BEND3: variants seen among roughly 807,000 people sequenced by gnomAD.
BEND3 encodes BEN domain containing 3.
Under a neutral mutation model 60.1 loss-of-function variants are expected in BEND3, and 13 were observed. The observed-to-expected ratio is 0.22, with a 90% CI of 0.14 to 0.34. The LOEUF (loss-of-function observed/expected upper bound fraction) is 0.34, where lower values mean the gene tolerates loss of function less well. BEND3 is among the 10% of genes least tolerant of loss of function. The pLI, the probability that BEND3 is intolerant of heterozygous loss-of-function variation, is 1.00. For synonymous variants in BEND3, 497 were observed against 491.5 expected, an observed-to-expected ratio of 1.01 and a Z score of -0.15; for missense variants, 896 against 1,138.1, an observed-to-expected ratio of 0.79 and a Z score of 3.06.
At chr6:107,071,844 T>C (rs141689777) in intron 3 of BEND3, among the ~76,000 whole-genome samples, 89 of 152,328 alleles carry the variant, frequency 5.8e-4, no homozygotes, top group African/African-American at 1.8e-3. Context: ...AGAATGCAGA[T>C]AGTCATTGCC....
chr6:107,087,969 T>TAA (rs71012767), intron 3 of BEND3, among the ~76,000 whole-genome samples: 37,527 of 121,338 alleles, frequency 0.31, 5,979 homozygotes, highest in Admixed American at 0.39. Flanking sequence ...AGGCTAGTGA[T>TAA]AAAAAAAAAA....
At chr6:107,084,818 A>G (rs1775307738) in intron 3 of BEND3, among the ~76,000 whole-genome samples, 1 of 152,260 alleles carries the variant, frequency 6.6e-6, no homozygotes. Context: ...TGAACCAATC[A>G]GCACTCTGTA....
intron 3 of BEND3, among the ~76,000 whole-genome samples, chr6:107,082,342 T>C (rs1775252107): frequency 6.6e-6 from 1 of 152,200 alleles, no homozygotes; most frequent in Non-Finnish European, 1.5e-5. Flanking sequence ...AGTGAGGTTA[T>C]TCCAGACTAC....
chr6:107,106,579 G>A (rs1258059376), intron 1 of BEND3, among the ~76,000 whole-genome samples: 1 of 152,178 alleles, frequency 6.6e-6, no homozygotes, highest in Non-Finnish European at 1.5e-5. Context: ...AGATGGAACT[G>A]CATGAAACCC....
At position 107,070,627 on chromosome 6, in the gene BEND3, G is replaced by A. The variant is rs782123009; in HGVS notation, c.564C>T (p.Asn188=). ...DCGSTGAGTD[N]DPNIYFLIQK... Reference sequence around the variant, plus strand: ...GGATCAGGAAGTAGATGTTGGGGTCGTTGTCAGTGCCTGCCCCGGTGCTGC... The same window carrying A: ...GGATCAGGAAGTAGATGTTGGGGTCATTGTCAGTGCCTGCCCCGGTGCTGC... Residue 188 remains asparagine (N), a synonymous_variant, in exon 4 of 4, where the codon AAC becomes AAT. Transcript: ENST00000369042. The surrounding 1 kb of genome is among the most constrained non-coding windows in gnomAD (Gnocchi z 6.9). 6.6e-5 allele frequency: 107 copies of A among 1,612,194 alleles called. No individual in the cohort carries two copies. Among genetic ancestry groups the A allele is most frequent in the Middle Eastern group, 2.2e-4 (1 of 4,616 alleles).
intron 3 of BEND3, among the ~76,000 whole-genome samples, chr6:107,097,318 G>T (rs1775605766): frequency 6.6e-6 from 1 of 151,360 alleles, no homozygotes; most frequent in South Asian, 2.1e-4. Flanking sequence ...GGTAAGCCAA[G>T]ATCGCGCCAT....
rs1446805178 is a variant in BEND3, at chr6:107,067,032, T to C, written c.*1672A>G. The C allele has an allele frequency of 1.3e-5, 2 of 152,224 alleles. No homozygotes were observed. Among genetic ancestry groups the C allele is most frequent in the African/African-American group, 4.8e-5 (2 of 41,454 alleles). 9.4% of individuals were successfully genotyped at this position (152,224 alleles called of 1,614,324 possible). On this transcript the variant is annotated 3_prime_UTR_variant, in exon 4 of 4. Coordinates refer to ENST00000369042, the MANE Select transcript of BEND3 (RefSeq NM_001367314.1). The stretch of plus-strand genomic sequence containing the variant: ...GTTTGCAGTTTCAACAGAAATAATC[T>C]GTAAATGACACTTAGGAGCAAATTT...
intron 1 of BEND3, among the ~76,000 whole-genome samples, chr6:107,108,178 G>A (rs1303434025): frequency 1.3e-5 from 2 of 152,214 alleles, no homozygotes; most frequent in African/African-American, 4.8e-5. Context: ...TATTCAGTCA[G>A]AGCACAACCT....
At chr6:107,092,138 T>C (rs1390459925) in intron 3 of BEND3, among the ~76,000 whole-genome samples, 1 of 151,924 alleles carries the variant, frequency 6.6e-6, no homozygotes, top group Non-Finnish European at 1.5e-5. Context: ...GTGCCTGTAG[T>C]CTCAGCTACT....
intron 1 of BEND3, among the ~76,000 whole-genome samples, chr6:107,108,693 C>T (rs1431047856): frequency 6.6e-6 from 1 of 152,130 alleles, no homozygotes; most frequent in African/African-American, 2.4e-5. Flanking sequence ...ATGACTTATT[C>T]AATTGAGCAA....
chr6:107,107,971 G>A (rs1412556165), intron 1 of BEND3, among the ~76,000 whole-genome samples: 6 of 152,276 alleles, frequency 3.9e-5, no homozygotes, highest in African/African-American at 7.2e-5. Context: ...TCACAGGACC[G>A]GCTGGGAGCC....
At chr6:107,104,439 G>A (rs1463361198) in intron 1 of BEND3, among the ~76,000 whole-genome samples, 1 of 152,024 alleles carries the variant, frequency 6.6e-6, no homozygotes, top group African/African-American at 2.4e-5. Context: ...AGGTAATATA[G>A]TCATGCCTTA....
Position 107,070,443 on chromosome 6 carries a change from C to T in BEND3, c.748G>A (p.Ala250Thr). Residue 250 changes from alanine to threonine, a missense_variant, in exon 4 of 4, where the codon GCC becomes ACC. By Grantham distance (58) the Ala-to-Thr change is moderately conservative (BLOSUM62 0). Coordinates refer to ENST00000369042, the MANE Select transcript of BEND3 (RefSeq NM_001367314.1). The surrounding 1 kb of genome is among the most constrained non-coding windows in gnomAD (Gnocchi z 6.9). ...FQPPPEYQLT[A>T]AELKQIVDQS... ...TCCACGATCTGCTTGAGCTCTGCGGCTGTGAGCTGGTACTCAGGGGGCGGC... is the reference window on the plus strand; with the variant it reads ...TCCACGATCTGCTTGAGCTCTGCGGTTGTGAGCTGGTACTCAGGGGGCGGC... 4 of 1,614,124 alleles carry T rather than the reference C, an allele frequency of 2.5e-6. No individual in the cohort carries two copies. The highest frequency in any genetic ancestry group is 3.4e-6 in the Non-Finnish European group (4 of 1,180,030).
At chr6:107,113,480 A>T (rs543171706) in intron 1 of BEND3, among the ~76,000 whole-genome samples, 49 of 148,922 alleles carry the variant, frequency 3.3e-4, no homozygotes, top group African/African-American at 1.2e-3. Flanking sequence ...GTTCCATGAC[A>T]GGAGGTTGAT....
At chr6:107,100,383 T>A (rs1478000326) in intron 1 of BEND3, among the ~76,000 whole-genome samples, 3 of 152,188 alleles carry the variant, frequency 2.0e-5, no homozygotes, top group African/African-American at 7.2e-5. Context: ...TTCTCCTGCC[T>A]CTGCCTCCCG....
At chr6:107,100,164 C>T (rs1775675419) in intron 1 of BEND3, among the ~76,000 whole-genome samples, 1 of 152,122 alleles carries the variant, frequency 6.6e-6, no homozygotes, top group South Asian at 2.1e-4. Flanking sequence ...CCACAGTGCC[C>T]AGTCCTAATA....
At chr6:107,088,587 T>A (rs530170063) in intron 3 of BEND3, among the ~76,000 whole-genome samples, 1 of 151,954 alleles carries the variant, frequency 6.6e-6, no homozygotes, top group South Asian at 2.1e-4. Context: ...TTAAAAAAAA[T>A]CCTGAAAGAA....
At chr6:107,100,624 A>T (rs1457176752) in intron 1 of BEND3, among the ~76,000 whole-genome samples, 5 of 152,186 alleles carry the variant, frequency 3.3e-5, no homozygotes, top group African/African-American at 1.2e-4. Flanking sequence ...TCTGAAGCAA[A>T]ACCTGCCTGC....
At chr6:107,094,372 C>T (rs1323510215) in intron 3 of BEND3, among the ~76,000 whole-genome samples, 1 of 152,104 alleles carries the variant, frequency 6.6e-6, no homozygotes, top group Non-Finnish European at 1.5e-5. Flanking sequence ...CCTGTAATCC[C>T]AGCACTTTGG....
Sources: gnomAD v4.1 joint callset for allele counts (sites outside exome capture counted in the v4.1 genomes callset) on GRCh38, gnomAD v4.1.1 for gene constraint, Gnocchi (gnomAD v3.1) non-coding constraint, MANE v1.5 for transcripts, NCBI Gene and HGNC (gene_info 2026-07-23, HGNC 2026-07-21) for gene names.